Variants in CLYBL observed in about 807,000 individuals in gnomAD.
The protein encoded by CLYBL is citramalyl-CoA lyase, also known as citramalyl-CoA lyase, mitochondrial.
A neutral mutation model predicts 38.9 loss-of-function variants in CLYBL; 31 were observed. That is an observed-to-expected ratio of 0.80 (90% CI 0.60 to 1.08). The LOEUF (loss-of-function observed/expected upper bound fraction) is 1.08. CLYBL is among the 50% of genes least tolerant of loss of function. CLYBL has a pLI of 0.00. For synonymous variants in CLYBL, 171 were observed against 158.6 expected, an observed-to-expected ratio of 1.08 and a Z score of -0.59; for missense variants, 434 against 411.6, an observed-to-expected ratio of 1.05 and a Z score of -0.47.
intron 1 of CLYBL, among the ~76,000 whole-genome samples, chr13:99,616,143 C>CTT (rs34142988): frequency 0.014 from 1,161 of 83,756 alleles, 32 homozygotes; most frequent in African/African-American, 0.029. Context: ...CCACGCCTGG[C>CTT]TTTTTTTTTT....
intron 7 of CLYBL, among the ~76,000 whole-genome samples, chr13:99,888,470 C>T (rs1173402325): frequency 6.6e-6 from 1 of 152,104 alleles, no homozygotes. Context: ...AACCATGAGG[C>T]CATGCGCAGT....
intron 1 of CLYBL, among the ~76,000 whole-genome samples, chr13:99,656,919 C>T (rs1442668361): frequency 1.3e-5 from 2 of 152,128 alleles, no homozygotes; most frequent in Admixed American, 6.6e-5. Flanking sequence ...TTATCTTTAC[C>T]AAGGTGCATG....
At chr13:99,785,512 C>A (rs2049770450) in intron 2 of CLYBL, among the ~76,000 whole-genome samples, 1 of 151,946 alleles carries the variant, frequency 6.6e-6, no homozygotes, top group Non-Finnish European at 1.5e-5. Flanking sequence ...CAACCCCCAA[C>A]CATTATTGTT....
At chr13:99,884,722 A>G (rs1329804640) in intron 7 of CLYBL, among the ~76,000 whole-genome samples, 2 of 152,164 alleles carry the variant, frequency 1.3e-5, no homozygotes, top group African/African-American at 2.4e-5. Context: ...ATCCATGTCA[A>G]TGCAGGGAGC....
At chr13:99,873,065 T>C (rs188164927) in intron 7 of CLYBL, among the ~76,000 whole-genome samples, 4 of 152,264 alleles carry the variant, frequency 2.6e-5, no homozygotes, top group East Asian at 3.9e-4. Flanking sequence ...GACTAACTAT[T>C]AGGTAATTTC....
Position 99,869,315 on chromosome 13 carries a change from T to C in CLYBL, c.803-1623T>C, listed in dbSNP as rs1165969687. Among the ~76,000 whole-genome samples the C allele has an allele frequency of 6.6e-6, 1 of 152,162 alleles. No homozygotes were observed. The highest frequency in any genetic ancestry group is 1.5e-5 in the Non-Finnish European group (1 of 68,000). ...CCCATGAAATCTGGCTTTTTACGCATTGGTGTAAATTATGTACATAAATTA... is the reference window on the plus strand; with the variant it reads ...CCCATGAAATCTGGCTTTTTACGCACTGGTGTAAATTATGTACATAAATTA... On this transcript the variant is annotated intron_variant, in intron 6 of 8. Transcript: ENST00000339105. The surrounding 1 kb of genome is among the most constrained non-coding windows in gnomAD (Gnocchi z 4.3).
At chr13:99,879,107 C>G (rs2052127508) in intron 7 of CLYBL, among the ~76,000 whole-genome samples, 1 of 152,158 alleles carries the variant, frequency 6.6e-6, no homozygotes, top group Admixed American at 6.5e-5. Flanking sequence ...CTGCCCTGCT[C>G]CTGCCAAATC....
At chr13:99,609,599 C>T (rs113276576) in intron 1 of CLYBL, among the ~76,000 whole-genome samples, 119 of 151,542 alleles carry the variant, frequency 7.9e-4, no homozygotes, top group African/African-American at 2.8e-3. Context: ...TGCAGTGGTG[C>T]AATCTGGGCT....
At chr13:99,791,362 A>T (rs906797944) in intron 2 of CLYBL, among the ~76,000 whole-genome samples, 14 of 25,410 alleles carry the variant, frequency 5.5e-4, no homozygotes, top group South Asian at 9.5e-4. Context: ...GTCTTTTTTA[A>T]AAAAAAAACA....
At chr13:99,838,538 A>C (rs1370484238) in intron 2 of CLYBL, among the ~76,000 whole-genome samples, 1 of 152,224 alleles carries the variant, frequency 6.6e-6, no homozygotes, top group African/African-American at 2.4e-5. Context: ...AAAAATTCTC[A>C]ATCCATGTAT....
intron 7 of CLYBL, among the ~76,000 whole-genome samples, chr13:99,885,794 A>G (rs1432569990): frequency 1.3e-5 from 2 of 152,198 alleles, no homozygotes; most frequent in Non-Finnish European, 2.9e-5. Flanking sequence ...AGAATGAAAC[A>G]GTGCCCATGA....
At chr13:99,681,461 G>GGA (rs1356975906) in intron 1 of CLYBL, among the ~76,000 whole-genome samples, 8 of 152,150 alleles carry the variant, frequency 5.3e-5, no homozygotes, top group South Asian at 4.2e-4. Context: ...TTATACATAT[G>GGA]GAGAGAGAGA....
At chr13:99,729,132 G>C (rs1392902970) in intron 1 of CLYBL, among the ~76,000 whole-genome samples, 1 of 152,158 alleles carries the variant, frequency 6.6e-6, no homozygotes, top group African/African-American at 2.4e-5. Context: ...ATCTTCAGCT[G>C]GAAACAAATA....
chr13:99,681,501 A>G (rs1156612089), intron 1 of CLYBL, among the ~76,000 whole-genome samples: 1 of 152,258 alleles, frequency 6.6e-6, no homozygotes, highest in Non-Finnish European at 1.5e-5. Flanking sequence ...AGCAGTAATG[A>G]TAAAGAAATG....
At chr13:99,643,722 C>T (rs1327218323) in intron 1 of CLYBL, among the ~76,000 whole-genome samples, 1 of 152,000 alleles carries the variant, frequency 6.6e-6, no homozygotes, top group Non-Finnish European at 1.5e-5. Flanking sequence ...AAAAATGAAC[C>T]ATAGGCCCGG....
rs191736313 is a variant in CLYBL at position 99,904,406 on chromosome 13, T to A, written c.*25-864T>A. Among the ~76,000 whole-genome samples, 220 of 152,354 alleles carry A rather than the reference T, an allele frequency of 1.4e-3. 1 individual carries two copies. The highest frequency in any genetic ancestry group is 5.0e-3 in the African/African-American group (207 of 41,578). ...CTTTAAAAAGCAAAGTTCAAACCAG[T>A]TTCCATAATTATGTTTGGGTCTCAT... On this transcript the variant is annotated intron_variant and NMD_transcript_variant, in intron 8 of 9. Transcript: ENST00000689673.
intron 1 of CLYBL, among the ~76,000 whole-genome samples, chr13:99,676,186 G>GTCCGTCCCTTCCTTCCT (rs1459044000): frequency 4.4e-4 from 58 of 133,092 alleles, no homozygotes; most frequent in Non-Finnish European, 7.7e-4. Flanking sequence ...CCCTCCGTCC[G>GTCCGTCCCTTCCTTCCT]TCCTTCCTTC....
Position 99,845,737 on chromosome 13 carries a change from G to C in CLYBL, c.250-13124G>C, listed in dbSNP as rs186170487. 8.8e-3 allele frequency among the ~76,000 whole-genome samples: 1,346 copies of C among 152,188 alleles called. 16 individuals are homozygous for C. Among genetic ancestry groups the C allele is most frequent in the African/African-American group, 0.03 (1,241 of 41,510 alleles). On this transcript the variant is annotated intron_variant, in intron 2 of 8. Transcript: ENST00000339105. ...AGGCTGCGAAGAGAAGCCACCTCCCGGGGGCCTGGTCCTTGCTGGGGGGCC... is the reference window on the plus strand; with the variant it reads ...AGGCTGCGAAGAGAAGCCACCTCCCCGGGGCCTGGTCCTTGCTGGGGGGCC...
At chr13:99,746,485 C>T (rs1189036688) in intron 1 of CLYBL, among the ~76,000 whole-genome samples, 1 of 151,584 alleles carries the variant, frequency 6.6e-6, no homozygotes. Context: ...TATTTCAATA[C>T]ATTAGCTACT....
Sources: allele counts gnomAD v4.1 joint callset (sites outside exome capture counted in the v4.1 genomes callset), GRCh38; gene constraint gnomAD v4.1.1; non-coding constraint Gnocchi (gnomAD v3.1); transcripts MANE v1.5; gene names NCBI Gene and HGNC (gene_info 2026-07-23, HGNC 2026-07-21).